Variants in AP3B1 observed in about 807,000 individuals in gnomAD.
AP3B1 encodes the protein adaptor related protein complex 3 subunit beta 1.
Under a neutral mutation model 132.5 loss-of-function variants are expected in AP3B1, and 61 were observed. That is an observed-to-expected ratio of 0.46 (90% confidence interval 0.37 to 0.57). AP3B1 has a LOEUF of 0.57. Ranked by LOEUF, AP3B1 falls within the 20% of genes least tolerant of loss-of-function variation. The probability of loss-of-function intolerance (pLI) is 0.00; values close to 1 mark genes in which losing one functional copy is unlikely to be tolerated. For missense variants in AP3B1, 1,120 were observed against 1,289.4 expected (o/e 0.87, Z 2.01); for synonymous variants, 388 against 438.3 (o/e 0.89, Z 1.43).
At chr5:78,144,580 G>GT (rs149545003) in intron 14 of AP3B1, among the ~76,000 whole-genome samples, 2,254 of 152,270 alleles carry the variant, frequency 0.015, 58 homozygotes, top group African/African-American at 0.051. Context: ...CTAATACTCT[G>GT]TATCTGGACT....
intron 7 of AP3B1, among the ~76,000 whole-genome samples, chr5:78,185,384 G>A (rs1211453051): frequency 1.3e-5 from 2 of 152,076 alleles, no homozygotes; most frequent in African/African-American, 2.4e-5. Context: ...ACATTGATAC[G>A]GTTCTAAATG....
chr5:78,177,224 CGATT>C (rs980129769), intron 9 of AP3B1, 111 bp downstream of exon 9: 5 of 702,768 alleles, frequency 7.1e-6, no homozygotes, highest in Non-Finnish European at 1.2e-5. Context: ...TCTTACTGAT[CGATT>C]GATTAAAATA....
At chr5:78,114,786 G>GA (rs1751753394) in intron 18 of AP3B1, among the ~76,000 whole-genome samples, 1 of 152,184 alleles carries the variant, frequency 6.6e-6, no homozygotes, top group African/African-American at 2.4e-5. Flanking sequence ...CCATCACAGT[G>GA]AAAACCTAGG....
intron 22 of AP3B1, among the ~76,000 whole-genome samples, chr5:78,086,235 C>T (rs1033711628): frequency 1.3e-5 from 2 of 152,110 alleles, no homozygotes; most frequent in African/African-American, 2.4e-5. Flanking sequence ...TATGTACAGC[C>T]TTAATAGTAA....
intron 14 of AP3B1, among the ~76,000 whole-genome samples, chr5:78,146,481 TTTTAA>T (rs1366639390): frequency 1.3e-5 from 2 of 152,202 alleles, no homozygotes; most frequent in Non-Finnish European, 2.9e-5. Flanking sequence ...CTTTCTTGTA[TTTTAA>T]TTTCTTTTAT....
At chr5:78,122,519 T>G (rs1205630119) in intron 17 of AP3B1, among the ~76,000 whole-genome samples, 2 of 152,172 alleles carry the variant, frequency 1.3e-5, no homozygotes, top group South Asian at 4.1e-4. Context: ...AAAATCAATG[T>G]GCAAAAATCA....
At chr5:78,078,318 T>C (rs1475852416) in intron 22 of AP3B1, among the ~76,000 whole-genome samples, 1 of 152,174 alleles carries the variant, frequency 6.6e-6, no homozygotes, top group Non-Finnish European at 1.5e-5. Context: ...ACCAAATTCT[T>C]CCTTTGTTCT....
chr5:78,103,291 C>T (rs1751202439), intron 20 of AP3B1, among the ~76,000 whole-genome samples: 2 of 152,124 alleles, frequency 1.3e-5, no homozygotes, highest in Admixed American at 1.3e-4. Flanking sequence ...GTAATAGAGA[C>T]AGAACCTGGG....
At chr5:78,241,475 A>C (rs1232786437) in intron 2 of AP3B1, among the ~76,000 whole-genome samples, 1 of 152,208 alleles carries the variant, frequency 6.6e-6, no homozygotes, top group African/African-American at 2.4e-5. Flanking sequence ...TCTGACATTA[A>C]AGATGTACTG....
chr5:78,241,355 C>T (rs367868439), intron 2 of AP3B1, among the ~76,000 whole-genome samples: 46 of 152,112 alleles, frequency 3.0e-4, no homozygotes, highest in African/African-American at 1.1e-3. Flanking sequence ...TCATGCCTGG[C>T]TAATTTTCGA....
chr5:78,035,257 T>C (rs1321621104), intron 23 of AP3B1, among the ~76,000 whole-genome samples: 1 of 152,006 alleles, frequency 6.6e-6, no homozygotes. Context: ...ATTGAGGGGA[T>C]CTTAAATAAA....
chr5:78,001,115 T>C, downstream of AP3B1: 1 of 152,230 alleles, frequency 6.6e-6, no homozygotes, highest in Middle Eastern at 3.2e-3. Flanking sequence ...ATGTGTGAAC[T>C]ATCTTTTAAA....
At chr5:78,189,409 A>G (rs1490629744) in intron 7 of AP3B1, among the ~76,000 whole-genome samples, 1 of 152,122 alleles carries the variant, frequency 6.6e-6, no homozygotes, top group African/African-American at 2.4e-5. Flanking sequence ...GATTACTTGC[A>G]CTACTGTATT....
At chr5:78,152,315 T>G (rs879250634) in intron 14 of AP3B1, among the ~76,000 whole-genome samples, 3 of 151,960 alleles carry the variant, frequency 2.0e-5, no homozygotes, top group African/African-American at 7.2e-5. Flanking sequence ...TCCTGGGCTT[T>G]TCTTCACTGG....
At chr5:78,181,048 A>G (rs1011768476) in intron 8 of AP3B1, among the ~76,000 whole-genome samples, 1 of 152,098 alleles carries the variant, frequency 6.6e-6, no homozygotes, top group African/African-American at 2.4e-5. Context: ...TAAAAATTCT[A>G]TCAGACAGAT....
intron 2 of AP3B1, among the ~76,000 whole-genome samples, chr5:78,259,821 T>C (rs1394520870): frequency 6.6e-6 from 1 of 151,702 alleles, no homozygotes; most frequent in African/African-American, 2.4e-5. Flanking sequence ...TACAAATAAA[T>C]TGGCTGGGTG....
At chr5:78,159,291 T>C (rs1743290218) in intron 13 of AP3B1, among the ~76,000 whole-genome samples, 1 of 152,204 alleles carries the variant, frequency 6.6e-6, no homozygotes, top group African/African-American at 2.4e-5. Context: ...AAATATGCGT[T>C]TGGCATCATT....
intron 14 of AP3B1, among the ~76,000 whole-genome samples, chr5:78,144,948 C>A (rs1753320949): frequency 6.6e-6 from 1 of 152,102 alleles, no homozygotes. Flanking sequence ...ATCCTCCCGC[C>A]TCAGCCTCCC....
chr5:78,227,675 T>C, intron 4 of AP3B1, 143 bp from the exon 5 acceptor site: 1 of 742,340 alleles, frequency 1.3e-6, no homozygotes, highest in Admixed American at 2.6e-5. Context: ...GAACAATTAG[T>C]ATATAGGAAT....
Sources: allele counts gnomAD v4.1 joint callset (sites outside exome capture counted in the v4.1 genomes callset), GRCh38; gene constraint gnomAD v4.1.1; transcripts MANE v1.5; gene names NCBI Gene and HGNC (gene_info 2026-07-23, HGNC 2026-07-21).